The following DGKK variants were observed in gnomAD, a reference collection of about 807,000 sequenced individuals.
The protein encoded by DGKK is diacylglycerol kinase kappa, also known as 142 kDa diacylglycerol kinase.
A neutral mutation model predicts 92.2 loss-of-function variants in DGKK; 35 were observed. That is an observed-to-expected ratio of 0.38 (90% CI 0.29 to 0.50). DGKK has a LOEUF of 0.50. DGKK is among the 20% of genes least tolerant of loss of function. The probability of loss-of-function intolerance (pLI) is 0.92; values close to 1 mark genes in which losing one functional copy is unlikely to be tolerated. For missense variants in DGKK, 910 were observed against 992.2 expected (o/e 0.92, Z 1.11); for synonymous variants, 368 against 360.6 (o/e 1.02, Z -0.23).
intron 23 of DGKK, 111 bp downstream of exon 23, chrX:50,376,647 C>T (rs1924280249): frequency 1.3e-6 from 1 of 755,925 alleles, no homozygotes; most frequent in Non-Finnish European, 1.8e-6. Context: ...GAGCTCTAAG[C>T]TAAATTCCTC....
intron 8 of DGKK, among the ~76,000 whole-genome samples, chrX:50,399,497 T>C (rs1924939882): frequency 8.9e-6 from 1 of 112,220 alleles, no homozygotes; most frequent in Non-Finnish European, 1.9e-5. Context: ...GGCTCACTAA[T>C]CACTCTTGGA....
At position 50,376,887 on chromosome X, in the gene DGKK, T is replaced by A; in HGVS notation, c.3143A>T (p.Tyr1048Phe). The A allele has an allele frequency of 8.3e-7, 1 of 1,204,433 alleles. No individual in the cohort carries two copies. The highest frequency in any genetic ancestry group is 1.1e-6 in the Non-Finnish European group (1 of 891,974). ...DFENSMKMWE[Y>F]KHTEIQAAPQ... ...GGCAGCTTGAATTTCAGTATGCTTGTATTCCCACATTTTCATTGAGTTCTC... is the reference window on the plus strand; with the variant it reads ...GGCAGCTTGAATTTCAGTATGCTTGAATTCCCACATTTTCATTGAGTTCTC... The change falls in exon 23 of 28, where the codon TAC (tyrosine) becomes TTC (phenylalanine). Residue 1048 changes from tyrosine (Y) to phenylalanine (F), a missense_variant. Physicochemically the swap from Tyr to Phe is conservative, Grantham distance 22. Coordinates refer to ENST00000611977, the MANE Select transcript of DGKK (RefSeq NM_001013742.4).
At chrX:50,447,133 T>G (rs1334245730) in intron 1 of DGKK, among the ~76,000 whole-genome samples, 2 of 99,858 alleles carry the variant, frequency 2.0e-5, no homozygotes, top group Non-Finnish European at 4.0e-5. Flanking sequence ...CCTCTTCAAA[T>G]TATACTGCTC....
chrX:50,423,026 G>C (rs1925639440), intron 2 of DGKK, among the ~76,000 whole-genome samples: 1 of 112,306 alleles, frequency 8.9e-6, no homozygotes, highest in South Asian at 3.7e-4. Context: ...CATGGATACA[G>C]GCAAGGCCGG....
chrX:50,439,801 G>C (rs1926122998), intron 1 of DGKK, among the ~76,000 whole-genome samples: 1 of 111,059 alleles, frequency 9.0e-6, no homozygotes, highest in Non-Finnish European at 1.9e-5. Context: ...TCAAATTTAT[G>C]TCTGTGCAAG....
At chrX:50,434,300 T>C in intron 1 of DGKK, among the ~76,000 whole-genome samples, 1 of 112,254 alleles carries the variant, frequency 8.9e-6, no homozygotes, top group East Asian at 2.8e-4. Context: ...TTGCCCTTGC[T>C]TTACATGCAT....
At chrX:50,418,355 T>C (rs1557228765) in intron 4 of DGKK, among the ~76,000 whole-genome samples, 1 of 111,889 alleles carries the variant, frequency 8.9e-6, no homozygotes, top group African/African-American at 3.3e-5. Flanking sequence ...AAGTATTGCA[T>C]CTTTTTTTTC....
At chrX:50,405,907 C>T (rs1602281263) in intron 4 of DGKK, among the ~76,000 whole-genome samples, 1 of 111,658 alleles carries the variant, frequency 9.0e-6, no homozygotes, top group South Asian at 3.9e-4. Flanking sequence ...CTTTCTACTC[C>T]CCAAGTCACT....
At chrX:50,416,233 A>G (rs782115364) in intron 4 of DGKK, among the ~76,000 whole-genome samples, 1 of 111,971 alleles carries the variant, frequency 8.9e-6, no homozygotes, top group South Asian at 3.8e-4. Flanking sequence ...TGCTTAAGCC[A>G]CCTAGTCTAT....
At chrX:50,392,755 G>A (rs1197024189) in intron 9 of DGKK, among the ~76,000 whole-genome samples, 1 of 112,757 alleles carries the variant, frequency 8.9e-6, no homozygotes, top group Non-Finnish European at 1.9e-5. Flanking sequence ...AACCAGGACT[G>A]AGCAGCCAGA....
intron 1 of DGKK, among the ~76,000 whole-genome samples, chrX:50,456,381 A>G (rs192391854): frequency 1.9e-3 from 212 of 112,298 alleles, no homozygotes; most frequent in Middle Eastern, 0.018. Context: ...ACCTAGCTCC[A>G]AATTCAAGTG....
intron 1 of DGKK, among the ~76,000 whole-genome samples, chrX:50,454,433 C>A (rs1414574190): frequency 9.0e-6 from 1 of 111,378 alleles, no homozygotes; most frequent in Non-Finnish European, 1.9e-5. Context: ...GCCCAAGTAA[C>A]CTTTCTGCAT....
In DGKK at chrX:50,391,541, A is replaced by G; in HGVS notation, c.1740T>C (p.Asn580=). The change falls in exon 11 of 28, where the codon AAT becomes AAC. Residue 580 remains asparagine (N), a synonymous_variant. Coordinates refer to ENST00000611977, the MANE Select transcript of DGKK (RefSeq NM_001013742.4). ...CCCAGCCCAGAACACGAGCCAGATC[A>G]TTGCCGGTTCCAAGTGGGATGACTG... The part of the protein sequence containing the change: ...QLAVIPLGTG[N]DLARVLGWGA... 1 of 1,211,341 alleles carries G rather than the reference A, an allele frequency of 8.3e-7. No individual in the cohort carries two copies. The highest frequency in any genetic ancestry group is 1.1e-6 in the Non-Finnish European group (1 of 895,124).
chrX:50,388,627 A>G lies in DGKK; in HGVS notation c.1927-9T>C, dbSNP rs1278877133. On this transcript the variant is annotated splice_polypyrimidine_tract_variant and intron_variant, in intron 12 of 27. Transcript: ENST00000611977. ...TGTTGGATGGCAGCAGCCTAGGGGC[A>G]AAAGGAGTTCTTAGCCCTGGAATCT... is the stretch of plus-strand genomic sequence containing the variant. 1 of 1,168,635 alleles carries G rather than the reference A, an allele frequency of 8.6e-7. No homozygotes were observed. The highest frequency in any genetic ancestry group is 1.2e-6 in the Non-Finnish European group (1 of 863,043).
intron 4 of DGKK, among the ~76,000 whole-genome samples, chrX:50,418,413 A>G (rs1265618726): frequency 9.0e-6 from 1 of 111,210 alleles, no homozygotes; most frequent in African/African-American, 3.3e-5. Flanking sequence ...ATGGCTTATT[A>G]ATGTGTACTG....
chrX:50,408,663 A>G (rs12012478), intron 4 of DGKK, among the ~76,000 whole-genome samples: 41,626 of 109,641 alleles, frequency 0.38, 6,083 homozygotes, highest in African/African-American at 0.49. Flanking sequence ...GATTACAGGC[A>G]TGAGCCACCG....
chrX:50,415,929 G>A (rs782295923), intron 4 of DGKK, among the ~76,000 whole-genome samples: 4 of 112,121 alleles, frequency 3.6e-5, no homozygotes, highest in Non-Finnish European at 7.5e-5. Context: ...TGAAATGAAT[G>A]TATTTTACAT....
intron 1 of DGKK, among the ~76,000 whole-genome samples, chrX:50,463,622 T>C (rs1353362944): frequency 3.8e-5 from 4 of 106,423 alleles, no homozygotes; most frequent in Non-Finnish European, 5.8e-5. Flanking sequence ...TCTCTGTTTC[T>C]CTCTCTCCTT....
In DGKK at chrX:50,386,388, A is replaced by C; in HGVS notation, c.2317T>G (p.Leu773Val). ...TCAACTTGAAATATGATGAGTTTCA[A>C]GGATTTCTGGAGACTCTGGGCCTTT... Reference protein sequence around the residue: ...ATKAQSLQKSLKLIIFQVEQA... With the variant: ...ATKAQSLQKSVKLIIFQVEQA... The change falls in exon 15 of 28, where the codon TTG (leucine) becomes GTG (valine). Residue 773 changes from leucine (L) to valine (V), a missense_variant. Transcript: ENST00000611977. 1 of 1,210,116 alleles carries C rather than the reference A, an allele frequency of 8.3e-7. No homozygotes were observed. The highest frequency in any genetic ancestry group is 1.8e-5 in the South Asian group (1 of 56,912).
Sources: allele counts gnomAD v4.1 joint callset (sites outside exome capture counted in the v4.1 genomes callset), GRCh38; gene constraint gnomAD v4.1.1; transcripts MANE v1.5; gene names NCBI Gene and HGNC (gene_info 2026-07-23, HGNC 2026-07-21).